OGA: variants seen among roughly 807,000 people sequenced by gnomAD.
The protein encoded by OGA is O-GlcNAcase, also known as protein O-GlcNAcase.
In OGA, 21 loss-of-function variants were observed where a neutral mutation model predicts 102.0. The ratio of observed to expected loss-of-function variants is 0.21; its 90% confidence interval spans 0.15 to 0.30. OGA has a LOEUF of 0.30. Among genes scored for constraint, OGA ranks in the 10% least tolerant of loss-of-function variants. The pLI is 1.00. For missense variants in OGA, 765 were observed against 1,107.8 expected (o/e 0.69, Z 4.39); for synonymous variants, 408 against 378.2 (o/e 1.08, Z -0.91).
chr10:101,813,260 T>C, intron 2 of OGA, 133 bp from the exon 3 acceptor site: 1 of 661,598 alleles, frequency 1.5e-6, no homozygotes, highest in Non-Finnish European at 2.6e-6. Context: ...TTAACCTTTT[T>C]GTAATCAGTG....
intron 1 of OGA, among the ~76,000 whole-genome samples, chr10:101,816,181 C>T (rs1314823183): frequency 6.6e-6 from 1 of 151,922 alleles, no homozygotes; most frequent in African/African-American, 2.4e-5. Context: ...GAGAATTGCT[C>T]GAACCCGGGA....
intron 13 of OGA, 128 bp downstream of exon 13, chr10:101,791,226 A>G: frequency 8.3e-7 from 1 of 1,210,102 alleles, no homozygotes; most frequent in Non-Finnish European, 1.2e-6. Flanking sequence ...ATGCACACAT[A>G]TTCAGATTTT....
In OGA at chr10:101,797,710, G is replaced by A. The variant is rs1452575019; in HGVS notation, c.1984+270C>T. ...CAGGGTTCCATCCAGAAAGCATTCAGTCAGAGCAAGTTAAAGTCAGTACTT... is the reference window on the plus strand; with the variant it reads ...CAGGGTTCCATCCAGAAAGCATTCAATCAGAGCAAGTTAAAGTCAGTACTT... On this transcript the variant is annotated intron_variant, in intron 10 of 15. Coordinates refer to ENST00000361464, the MANE Select transcript of OGA (RefSeq NM_012215.5). The A allele has an allele frequency of 3.9e-5, 22 of 570,354 alleles. No homozygotes were observed. The South Asian group carries it at 4.3e-4, about 11-fold the overall frequency. 35.3% of individuals were successfully genotyped at this position (570,354 alleles called of 1,614,324 possible).
intron 10 of OGA, chr10:101,795,739 CCCTGGGCCACACTGGAAGAACTGT>C (rs2065306021): frequency 4.5e-6 from 1 of 221,210 alleles, no homozygotes; most frequent in Non-Finnish European, 7.6e-6. Flanking sequence ...CTTTTGGCTT[CCCTGGGCCACACTGGAAGAACTGT>C]CTTGGGCCAC....
At chr10:101,790,858 G>T in intron 14 of OGA, 38 bp downstream of exon 14, 1 of 1,362,826 alleles carries the variant, frequency 7.3e-7, no homozygotes, top group Non-Finnish European at 9.9e-7. Flanking sequence ...AAATAAAAAA[G>T]ACCATTACCA....
chr10:101,811,884 A>G (rs1037014205), intron 3 of OGA, among the ~76,000 whole-genome samples: 1 of 152,240 alleles, frequency 6.6e-6, no homozygotes, highest in African/African-American at 2.4e-5. Flanking sequence ...TTTCAGTAGT[A>G]TCTCAAGATA....
intron 11 of OGA, chr10:101,793,656 A>G (rs2065283448): frequency 3.0e-6 from 1 of 329,126 alleles, no homozygotes; most frequent in South Asian, 3.9e-5. Context: ...ATGCTGTGCG[A>G]CCTGCAAAGA....
intron 12 of OGA, 48 bp from the exon 13 acceptor site, chr10:101,791,487 G>C: frequency 6.8e-7 from 1 of 1,475,382 alleles, no homozygotes; most frequent in Middle Eastern, 1.7e-4. Context: ...AATGGCAGCA[G>C]AATCTAACAA....
chr10:101,812,620 A>T (rs924030238), intron 3 of OGA, among the ~76,000 whole-genome samples: 1 of 152,318 alleles, frequency 6.6e-6, no homozygotes, highest in African/African-American at 2.4e-5. Context: ...TTGGTTTTTT[A>T]AAAAAATTGC....
chr10:101,793,779 C>T, intron 11 of OGA, 134 bp downstream of exon 11: 1 of 639,990 alleles, frequency 1.6e-6, no homozygotes, highest in Non-Finnish European at 2.7e-6. Context: ...TTTAAAAATC[C>T]AGCTATGTAA....
chr10:101,807,759 T>C lies in OGA; in HGVS notation c.623A>G (p.Glu208Gly), dbSNP rs142074918. The change falls in exon 5 of 16, where the codon GAG becomes GGG. Residue 208 changes from glutamate to glycine, a missense_variant. By Grantham distance (98) the Glu-to-Gly change is moderately conservative (BLOSUM62 -2). Around this residue, in one of 7 missense-constraint regions of OGA, gnomAD observed 165 missense variants for 249.7 expected, o/e 0.66. Transcript: ENST00000361464. ...GGGACAGAAGAGGAAAGTTTCTGGC[T>C]CTCCTAGGTACTGATAGATTTCATT... ...ITNEIYQYLG[E>G]PETFLFCPTE... 6 of 1,600,584 alleles carry C rather than the reference T, an allele frequency of 3.7e-6. No individual in the cohort carries two copies. Among genetic ancestry groups the C allele is most frequent in the Admixed American group, 3.5e-5 (2 of 56,396 alleles).
chr10:101,816,488 T>G (rs759786905), intron 1 of OGA, among the ~76,000 whole-genome samples: 2 of 152,176 alleles, frequency 1.3e-5, no homozygotes, highest in African/African-American at 2.4e-5. Flanking sequence ...GACTGGCAAG[T>G]TTCCTTAGAC....
intron 6 of OGA, among the ~76,000 whole-genome samples, chr10:101,804,844 A>G (rs996515564): frequency 3.3e-5 from 5 of 151,504 alleles, no homozygotes; most frequent in South Asian, 2.1e-4. Flanking sequence ...TCCTACCTCA[A>G]CTCAAGCCTC....
chr10:101,814,756 T>C (rs2065600300), intron 1 of OGA, among the ~76,000 whole-genome samples: 1 of 152,220 alleles, frequency 6.6e-6, no homozygotes, highest in Non-Finnish European at 1.5e-5. Flanking sequence ...ATATTACTTC[T>C]GGTCCTTAAA....
At chr10:101,814,713 A>G (rs1300791978) in intron 1 of OGA, among the ~76,000 whole-genome samples, 2 of 152,248 alleles carry the variant, frequency 1.3e-5, no homozygotes, top group African/African-American at 4.8e-5. Flanking sequence ...TCTTAATTAC[A>G]GAGCAAAGAT....
chr10:101,796,307 G>A (rs1362530634), intron 10 of OGA, among the ~76,000 whole-genome samples: 2 of 152,056 alleles, frequency 1.3e-5, no homozygotes, highest in Non-Finnish European at 2.9e-5. Flanking sequence ...TGTCACCCAG[G>A]CTGGAGTGCA....
intron 3 of OGA, among the ~76,000 whole-genome samples, chr10:101,810,834 G>A (rs1464337401): frequency 6.6e-6 from 1 of 152,156 alleles, no homozygotes; most frequent in African/African-American, 2.4e-5. Flanking sequence ...CTCCTGAGTA[G>A]GTGGGATTAC....
chr10:101,787,757 G>C, intron 14 of OGA: 1 of 460,670 alleles, frequency 2.2e-6, no homozygotes, highest in Non-Finnish European at 4.0e-6. Flanking sequence ...TCGCGTGCAC[G>C]CGCTCTCTCT....
Position 101,807,792 on chromosome 10 carries a change from G to A in OGA, c.590C>T (p.Ser197Phe). ...VFSSFAHAQVSITNEIYQYLG... is the reference protein window; with the variant it reads ...VFSSFAHAQVFITNEIYQYLG... ...GTACTGATAGATTTCATTTGTGATG[G>A]AGACTTGGGCATGAGCAAAAGAACT... Residue 197 changes from serine (S) to phenylalanine (F), a missense_variant, in exon 5 of 16, where the codon TCC (serine) becomes TTC (phenylalanine). Transcript: ENST00000361464. 6.2e-7 allele frequency: 1 copy of A among 1,612,108 alleles called. No homozygotes were observed. The highest frequency in any genetic ancestry group is 8.5e-7 in the Non-Finnish European group (1 of 1,179,126).
Sources: gnomAD v4.1 joint callset for allele counts (sites outside exome capture counted in the v4.1 genomes callset) on GRCh38, gnomAD v4.1.1 for gene constraint, gnomAD v4.1.1 regional missense constraint, MANE v1.5 for transcripts, NCBI Gene and HGNC (gene_info 2026-07-23, HGNC 2026-07-21) for gene names.